PDZD2: variants seen among roughly 807,000 people sequenced by gnomAD.
PDZD2 encodes the protein PDZ domain-containing protein 2.
In PDZD2, 90 loss-of-function variants were observed where a neutral mutation model predicts 220.7. The observed-to-expected ratio is 0.41, with a 90% CI of 0.34 to 0.49. The LOEUF is 0.49. PDZD2 is among the 20% of genes least tolerant of loss of function. The probability of loss-of-function intolerance (pLI) is 0.28; values close to 1 mark genes in which losing one functional copy is unlikely to be tolerated. For synonymous variants in PDZD2, 1,375 were observed against 1,450.5 expected (o/e 0.95, Z 1.18); for missense variants, 3,174 against 3,608.5 (o/e 0.88, Z 3.08).
At chr5:31,825,118 A>G (rs2150260622) in intron 2 of PDZD2, among the ~76,000 whole-genome samples, 1 of 152,308 alleles carries the variant, frequency 6.6e-6, no homozygotes, top group African/African-American at 2.4e-5. Flanking sequence ...AAACCCAGCC[A>G]TTAGACTTGA....
At chr5:31,908,344 T>G (rs1439784945) in intron 2 of PDZD2, 1 of 281,344 alleles carries the variant, frequency 3.6e-6, no homozygotes, top group African/African-American at 2.2e-5. Context: ...TCCCTTTAGC[T>G]GCCATCGGCC....
At chr5:31,854,912 A>T in intron 2 of PDZD2, 1 of 915,354 alleles carries the variant, frequency 1.1e-6, no homozygotes, top group Non-Finnish European at 1.3e-6. Flanking sequence ...GCGCGGAGGG[A>T]GGAGGGGGGG....
At chr5:31,800,666 T>G (rs1754338578) in intron 2 of PDZD2, among the ~76,000 whole-genome samples, 1 of 152,216 alleles carries the variant, frequency 6.6e-6, no homozygotes, top group Non-Finnish European at 1.5e-5. Flanking sequence ...ATGCACATGG[T>G]CTCAATACCC....
chr5:31,873,639 C>T lies in PDZD2; in HGVS notation c.476+73915C>T, dbSNP rs541326460. ...TGGTTTCAAATTCCTGGGCTCAAAG[C>T]GATCCGCCTGCCTTGGCCTCCCAAA... On this transcript the variant is annotated intron_variant, in intron 2 of 24. Transcript: ENST00000438447. 1.3e-4 allele frequency among the ~76,000 whole-genome samples: 20 copies of T among 151,558 alleles called. No homozygotes were observed. In the East Asian group the frequency reaches 2.3e-3, roughly 18 times the overall value.
intron 12 of PDZD2, among the ~76,000 whole-genome samples, chr5:32,059,036 T>C (rs893505037): frequency 2.0e-5 from 3 of 152,160 alleles, no homozygotes; most frequent in Non-Finnish European, 4.4e-5. Flanking sequence ...CGTAACTAGC[T>C]CCCAGGTTAG....
At chr5:31,891,311 ATTTT>A (rs144308956) in intron 2 of PDZD2, among the ~76,000 whole-genome samples, 91 of 148,044 alleles carry the variant, frequency 6.1e-4, no homozygotes, top group Admixed American at 1.3e-3. Context: ...TAATTTTTGT[ATTTT>A]TATTTTTATT....
chr5:31,930,842 A>G (rs904387323), intron 2 of PDZD2, among the ~76,000 whole-genome samples: 4 of 152,082 alleles, frequency 2.6e-5, no homozygotes, highest in Non-Finnish European at 5.9e-5. Flanking sequence ...GGCCAAGGCT[A>G]GTGGATCACT....
chr5:31,894,654 T>C (rs925306556), intron 2 of PDZD2, among the ~76,000 whole-genome samples: 6 of 152,190 alleles, frequency 3.9e-5, no homozygotes, highest in African/African-American at 1.4e-4. Flanking sequence ...GCGTGTGTCC[T>C]GACTTCATTT....
At chr5:32,079,821 A>T (rs918427766) in intron 19 of PDZD2, among the ~76,000 whole-genome samples, 6 of 152,008 alleles carry the variant, frequency 3.9e-5, no homozygotes, top group Non-Finnish European at 7.4e-5. Context: ...CAGAAAAAAA[A>T]AGAAAAAAGT....
Position 32,074,314 on chromosome 5 carries a change from C to G in PDZD2, c.3208C>G (p.Pro1070Ala). ...TDSAEAPKGSPGSWWKKELSG... is the reference protein window; with the variant it reads ...TDSAEAPKGSAGSWWKKELSG... ...CTCTGCAGAGGCCCCCAAGGGGAGC[C>G]CTGGAAGCTGGTGGAAGAAGGAACT... The change falls in exon 18 of 25, where the codon CCT becomes GCT. Residue 1070 changes from proline to alanine, a missense_variant. Transcript: ENST00000438447. 6.2e-7 allele frequency: 1 copy of G among 1,614,170 alleles called. No homozygotes were observed. The highest frequency in any genetic ancestry group is 2.2e-5 in the East Asian group (1 of 44,874).
intron 15 of PDZD2, among the ~76,000 whole-genome samples, chr5:32,070,717 C>T (rs7726066): frequency 3.9e-5 from 6 of 152,314 alleles, no homozygotes; most frequent in East Asian, 3.9e-4. Context: ...TCCATGGAGC[C>T]GGGCGCCATG....
In PDZD2 at chr5:31,983,466, T is replaced by C; in HGVS notation, c.788T>C (p.Val263Ala). ...GACCCTGAACTTGGAAACGGCCATG[T>C]CTTTCAGCTAGAAAATGGCCCAGAT... is the stretch of plus-strand genomic sequence containing the variant. Reference protein sequence around the residue: ...GPDPELGNGHVFQLENGPDSL... With the variant: ...GPDPELGNGHAFQLENGPDSL... The change falls in exon 3 of 25, where the codon GTC becomes GCC. Residue 263 changes from valine to alanine, a missense_variant. Coordinates refer to ENST00000438447, the MANE Select transcript of PDZD2 (RefSeq NM_178140.4). 1.9e-6 allele frequency: 3 copies of C among 1,614,196 alleles called. No individual in the cohort carries two copies. Among genetic ancestry groups the C allele is most frequent in the Non-Finnish European group, 2.5e-6 (3 of 1,180,040 alleles).
At chr5:31,893,771 G>A (rs578026760) in intron 2 of PDZD2, among the ~76,000 whole-genome samples, 6 of 152,206 alleles carry the variant, frequency 3.9e-5, no homozygotes, top group Non-Finnish European at 7.3e-5. Context: ...GTATGTGTCT[G>A]TGTGCTACAG....
At chr5:31,665,269 C>T (rs944191602) in intron 1 of PDZD2, among the ~76,000 whole-genome samples, 1 of 152,142 alleles carries the variant, frequency 6.6e-6, no homozygotes, top group Non-Finnish European at 1.5e-5. Flanking sequence ...ACCATTGCAC[C>T]TGCTCTTTCC....
At chr5:31,657,041 G>A (rs1390670583) in intron 1 of PDZD2, among the ~76,000 whole-genome samples, 1 of 152,216 alleles carries the variant, frequency 6.6e-6, no homozygotes, top group African/African-American at 2.4e-5. Context: ...GGTGGAGGGA[G>A]TGATGTCATA....
chr5:31,834,881 A>G (rs1756855103), intron 2 of PDZD2, among the ~76,000 whole-genome samples: 1 of 150,148 alleles, frequency 6.7e-6, no homozygotes, highest in South Asian at 2.1e-4. Context: ...CATAAAGTAT[A>G]ATAAAAATAT....
intron 1 of PDZD2, among the ~76,000 whole-genome samples, chr5:31,725,199 G>T (rs367806538): frequency 6.6e-6 from 1 of 151,960 alleles, no homozygotes; most frequent in Non-Finnish European, 1.5e-5. Flanking sequence ...TTAGCCAGGC[G>T]TGGTGGCACA....
intron 2 of PDZD2, among the ~76,000 whole-genome samples, chr5:31,895,096 G>A (rs897317180): frequency 1.3e-5 from 2 of 152,146 alleles, no homozygotes; most frequent in Admixed American, 6.5e-5. Flanking sequence ...CACCATGTTG[G>A]CCAGGCTGGT....
At chr5:31,785,515 A>G (rs555349420) in intron 1 of PDZD2, among the ~76,000 whole-genome samples, 18 of 151,528 alleles carry the variant, frequency 1.2e-4, no homozygotes, top group Non-Finnish European at 2.5e-4. Flanking sequence ...CATATCTCTC[A>G]CTGCAGCCTT....
Sources: gnomAD v4.1 joint callset for allele counts (sites outside exome capture counted in the v4.1 genomes callset) on GRCh38, gnomAD v4.1.1 for gene constraint, MANE v1.5 for transcripts, NCBI Gene and HGNC (gene_info 2026-07-23, HGNC 2026-07-21) for gene names.